GLP2R: variants seen among roughly 807,000 people sequenced by gnomAD.
GLP2R encodes the protein glucagon like peptide 2 receptor, also known as glucagon-like peptide 2 receptor.
A neutral mutation model predicts 68.2 loss-of-function variants in GLP2R; 59 were observed. That is an observed-to-expected ratio of 0.87 (90% CI 0.70 to 1.07). GLP2R has a LOEUF of 1.07. Among genes scored for constraint, GLP2R ranks in the 50% least tolerant of loss-of-function variants. GLP2R has a pLI of 0.00. For synonymous variants in GLP2R, 270 were observed against 265.4 expected (o/e 1.02, Z -0.17); for missense variants, 548 against 677.4 (o/e 0.81, Z 2.12).
At position 9,891,708 on chromosome 17, in the gene GLP2R, G is replaced by T. The variant is rs1310164680; in HGVS notation, c.*2003G>T. 6.6e-6 allele frequency: 1 copy of T among 152,158 alleles called. No homozygotes were observed. Among genetic ancestry groups the T allele is most frequent in the African/African-American group, 2.4e-5 (1 of 41,420 alleles). The allele number at this position is 152,158 out of a possible 1,614,324, so 9.4% of individuals were successfully genotyped here. ...GCATCAGGCAAGTAATGAAGCAAAG[G>T]TTTATTTTTTGGTGTCCAGATTATC... On this transcript the variant is annotated 3_prime_UTR_variant, in exon 13 of 13. Transcript: ENST00000262441.
At chr17:9,863,314 G>C (rs1019429624) in intron 9 of GLP2R, among the ~76,000 whole-genome samples, 1 of 152,182 alleles carries the variant, frequency 6.6e-6, no homozygotes, top group Non-Finnish European at 1.5e-5. Context: ...TAAGTGCTTT[G>C]TGTATGAGTG....
chr17:9,884,641 G>A (rs7219033), intron 11 of GLP2R, among the ~76,000 whole-genome samples: 40,543 of 152,046 alleles, frequency 0.27, 5,759 homozygotes, highest in Non-Finnish European at 0.31. Context: ...ACCAAAGGCC[G>A]AGGAGCCAGA....
At chr17:9,836,571 C>T (rs1257094059) in intron 3 of GLP2R, 96 bp downstream of exon 3, 4 of 690,576 alleles carry the variant, frequency 5.8e-6, no homozygotes, top group Admixed American at 2.4e-5. Flanking sequence ...CTCAGTAATA[C>T]ATCTTCCTTC....
intron 3 of GLP2R, among the ~76,000 whole-genome samples, chr17:9,839,488 C>CAGTGGGTA (rs2066764723): frequency 6.6e-6 from 1 of 152,090 alleles, no homozygotes; most frequent in Non-Finnish European, 1.5e-5. Context: ...ACATCTCAAC[C>CAGTGGGTA]AGTGGGTAGC....
intron 11 of GLP2R, among the ~76,000 whole-genome samples, chr17:9,881,048 AG>A (rs1403038037): frequency 2.6e-5 from 4 of 152,058 alleles, no homozygotes; most frequent in Admixed American, 6.6e-5. Context: ...TCTATTTCTT[AG>A]TGTCTTAAGA....
In GLP2R at chr17:9,865,382, T is replaced by C. The variant is rs368282960; in HGVS notation, c.1056+3292T>C. The stretch of plus-strand genomic sequence containing the variant: ...CTTTTTGGTCTCTCTTCTTCATTCT[T>C]GCCCCTGACAATCCATCCTCTTGTT... On this transcript the variant is annotated intron_variant, in intron 9 of 12. Coordinates refer to ENST00000262441, the MANE Select transcript of GLP2R (RefSeq NM_004246.3). Among the ~76,000 whole-genome samples the C allele has an allele frequency of 6.6e-5, 10 of 152,244 alleles. No homozygotes were observed. In the South Asian group the frequency reaches 2.1e-3, roughly 32 times the overall value.
intron 11 of GLP2R, among the ~76,000 whole-genome samples, chr17:9,886,115 C>T (rs1393943431): frequency 6.6e-6 from 1 of 152,236 alleles, no homozygotes; most frequent in Non-Finnish European, 1.5e-5. Flanking sequence ...GGGAACTACA[C>T]TTGGTGGATC....
In GLP2R at chr17:9,853,957, C is replaced by T. The variant is rs557772852; in HGVS notation, c.505-538C>T. On this transcript the variant is annotated intron_variant, in intron 4 of 12. Transcript: ENST00000262441. ...AGAACAAAAAAATCGCATTTAATAA[C>T]ACAAAATTTCTAGTAAATTATCCTG... Among the ~76,000 whole-genome samples, 20 of 152,294 alleles carry T rather than the reference C, an allele frequency of 1.3e-4. No homozygotes were observed. In the East Asian group the frequency reaches 3.9e-3, roughly 29 times the overall value.
intron 4 of GLP2R, among the ~76,000 whole-genome samples, chr17:9,847,435 A>AT (rs766921730): frequency 1.7e-4 from 26 of 151,816 alleles, no homozygotes; most frequent in Non-Finnish European, 2.8e-4. Context: ...ACACCCGGCA[A>AT]TGTTTTGTAT....
chr17:9,852,462 A>C (rs2066900158), intron 4 of GLP2R, among the ~76,000 whole-genome samples: 1 of 152,108 alleles, frequency 6.6e-6, no homozygotes, highest in Non-Finnish European at 1.5e-5. Flanking sequence ...TTCTTTATCC[A>C]ATCTATAGCA....
intron 4 of GLP2R, among the ~76,000 whole-genome samples, chr17:9,852,048 G>GTT (rs1005336123): frequency 8.2e-5 from 9 of 109,456 alleles, no homozygotes; most frequent in African/African-American, 4.3e-4. Flanking sequence ...TATAGCATTT[G>GTT]TTTTTTTTTT....
chr17:9,875,763 T>C (rs745686824), intron 10 of GLP2R, among the ~76,000 whole-genome samples: 2 of 152,224 alleles, frequency 1.3e-5, no homozygotes, highest in Non-Finnish European at 2.9e-5. Context: ...TTCTCTGTTC[T>C]TTGTGGTTCC....
At chr17:9,846,455 A>T (rs568157457) in intron 4 of GLP2R, among the ~76,000 whole-genome samples, 2 of 152,222 alleles carry the variant, frequency 1.3e-5, no homozygotes, top group South Asian at 4.2e-4. Context: ...ATCTCTAAAA[A>T]ATCAATACAA....
chr17:9,832,989 G>A (rs920946938), intron 1 of GLP2R, among the ~76,000 whole-genome samples: 3 of 152,096 alleles, frequency 2.0e-5, no homozygotes, highest in East Asian at 1.9e-4. Context: ...CGGGCCAGGC[G>A]CGGTGGCTCA....
chr17:9,837,930 C>A (rs1427300441), intron 3 of GLP2R, among the ~76,000 whole-genome samples: 1 of 152,064 alleles, frequency 6.6e-6, no homozygotes, highest in African/African-American at 2.4e-5. Flanking sequence ...CATTGTGCAA[C>A]TTTAGTTTCA....
Position 9,833,839 on chromosome 17 carries a change from G to C in GLP2R, c.222G>C (p.Arg74=), listed in dbSNP as rs770646454. ...GATCCCTCCTTGAGGAAACGACTCG[G>C]AAGTGGGCTCAGTACAAACAGGCAT... ...VTGSLLEETT[R]KWAQYKQACL... is the part of the protein sequence containing the mutation. The change falls in exon 2 of 13, where the codon CGG becomes CGC. Residue 74 remains arginine, a synonymous_variant. Coordinates refer to ENST00000262441, the MANE Select transcript of GLP2R (RefSeq NM_004246.3). The C allele has an allele frequency of 5.0e-6, 8 of 1,613,654 alleles. No individual in the cohort carries two copies. In the Admixed American group the frequency reaches 1.2e-4, roughly 24 times the overall value.
intron 4 of GLP2R, among the ~76,000 whole-genome samples, chr17:9,845,735 ATGTGTG>A (rs1233491749): frequency 7.9e-6 from 1 of 125,894 alleles, no homozygotes; most frequent in African/African-American, 3.4e-5. Context: ...GGTTGGATTT[ATGTGTG>A]TGTGTGCGTG....
At chr17:9,869,545 C>T (rs369664940) in intron 9 of GLP2R, among the ~76,000 whole-genome samples, 9 of 152,242 alleles carry the variant, frequency 5.9e-5, no homozygotes, top group East Asian at 5.8e-4. Context: ...CAGCCAGGGC[C>T]GCAGCCATCT....
chr17:9,827,276 A>G (rs2066641043), intron 1 of GLP2R, among the ~76,000 whole-genome samples: 1 of 152,154 alleles, frequency 6.6e-6, no homozygotes, highest in Non-Finnish European at 1.5e-5. Context: ...TGACATCACT[A>G]TGGAGCACTT....
Sources: gnomAD v4.1 joint callset for allele counts (sites outside exome capture counted in the v4.1 genomes callset) on GRCh38, gnomAD v4.1.1 for gene constraint, MANE v1.5 for transcripts, NCBI Gene and HGNC (gene_info 2026-07-23, HGNC 2026-07-21) for gene names.